DENND3: variants seen among roughly 807,000 people sequenced by gnomAD.
The protein encoded by DENND3 is DENN domain containing 3.
A neutral mutation model predicts 135.1 loss-of-function variants in DENND3; 88 were observed. The ratio of observed to expected loss-of-function variants is 0.65; its 90% CI spans 0.55 to 0.78. DENND3 has a LOEUF of 0.78. Ranked by LOEUF, DENND3 falls within the 30% of genes least tolerant of loss-of-function variation. DENND3 has a pLI of 0.00. For missense variants in DENND3, 1,392 were observed against 1,688.4 expected (o/e 0.82, Z 3.08); for synonymous variants, 693 against 712.3 (o/e 0.97, Z 0.43).
At chr8:141,165,739 C>A (rs376223301) in intron 11 of DENND3, among the ~76,000 whole-genome samples, 1 of 152,216 alleles carries the variant, frequency 6.6e-6, no homozygotes, top group East Asian at 1.9e-4. Flanking sequence ...GCTGGGATTA[C>A]AGGCATGAGC....
chr8:141,140,722 T>C (rs537963016), intron 3 of DENND3, among the ~76,000 whole-genome samples: 3 of 152,332 alleles, frequency 2.0e-5, no homozygotes, highest in African/African-American at 4.8e-5. Context: ...ACTTCCCCAG[T>C]TGGTGAGCCC....
rs535525637 is a variant in DENND3, at chr8:141,154,751, C to T, written c.1075-1098C>T. On this transcript the variant is annotated intron_variant, in intron 7 of 22. Transcript: ENST00000519811. This position sits in a 1 kb window ranked among gnomAD's most constrained non-coding sequence, Gnocchi z 4.4. The stretch of plus-strand genomic sequence containing the variant: ...GTAATTTTTGTATTTTTAGTAGAGA[C>T]GAGGTTTCACCATGTTGGCCAGGCT... Among the ~76,000 whole-genome samples, 238 of 152,076 alleles carry T rather than the reference C, an allele frequency of 1.6e-3. 1 individual carries two copies. Among genetic ancestry groups the T allele is most frequent in the African/African-American group, 4.2e-3 (175 of 41,482 alleles).
Position 141,128,650 on chromosome 8 carries a change from G to C in DENND3, c.-58G>C, listed in dbSNP as rs893649861. The C allele has an allele frequency of 6.0e-6, 7 of 1,164,390 alleles. No homozygotes were observed. Among genetic ancestry groups the C allele is most frequent in the Non-Finnish European group, 6.6e-6 (6 of 912,922 alleles). 72.1% of individuals were successfully genotyped at this position (1,164,390 alleles called of 1,614,324 possible). A position where few individuals can be genotyped will look rare whatever the true frequency, so the allele number is the denominator to read the frequency against. On this transcript the variant is annotated 5_prime_UTR_variant, in exon 1 of 23. Coordinates refer to ENST00000519811, the MANE Select transcript of DENND3 (RefSeq NM_001352890.3). This position sits in a 1 kb window ranked among gnomAD's most constrained non-coding sequence, Gnocchi z 4.5. ...GCGCGGCTGGTCCCCAGGGGTCTGC[G>C]GGCGACTGCGCGGCTGAGGCGCCCG... is the stretch of plus-strand genomic sequence containing the variant.
rs771995500 is a variant in DENND3, at chr8:141,137,944, CTG to C, written c.386-75_386-74del. 336 of 1,450,944 alleles carry C rather than the reference CTG, an allele frequency of 2.3e-4. No individual in the cohort carries two copies. The highest frequency in any genetic ancestry group is 3.0e-4 in the Non-Finnish European group (315 of 1,060,824). The allele number at this position is 1,450,944 out of a possible 1,614,324, so 89.9% of individuals were successfully genotyped here. A position where few individuals can be genotyped will look rare whatever the true frequency, so the allele number is the denominator to read the frequency against. On this transcript the variant is annotated intron_variant, in intron 2 of 22. Transcript: ENST00000519811. The surrounding 1 kb of genome is among the most constrained non-coding windows in gnomAD (Gnocchi z 4.1). ...TAACTGTGGAGGTGTGTCCTAAACA[CTG>C]TGAAGAAATCAGCTCGTGGGTAACC...
Position 141,141,770 on chromosome 8 carries a change from T to C in DENND3, c.623+446T>C. On this transcript the variant is annotated intron_variant, in intron 4 of 22. Coordinates refer to ENST00000519811, the MANE Select transcript of DENND3 (RefSeq NM_001352890.3). The surrounding 1 kb of genome is among the most constrained non-coding windows in gnomAD (Gnocchi z 5.3). ...TTTTAAAGATGACCTTGGCTGGGTG[T>C]GGTGGCTCACACCTGTAATCCCAGC... 1 of 208,736 alleles carries C rather than the reference T, an allele frequency of 4.8e-6. No individual in the cohort carries two copies. 12.9% of individuals were successfully genotyped at this position (208,736 alleles called of 1,614,324 possible). A position where few individuals can be genotyped will look rare whatever the true frequency, so the allele number is the denominator to read the frequency against.
intron 9 of DENND3, among the ~76,000 whole-genome samples, chr8:141,162,987 A>C (rs2154613097): frequency 6.6e-6 from 1 of 152,358 alleles, no homozygotes; most frequent in East Asian, 1.9e-4. Flanking sequence ...GCTGGTCAGC[A>C]CTTGGAGAGT....
intron 9 of DENND3, among the ~76,000 whole-genome samples, chr8:141,161,240 C>T (rs1157550651): frequency 1.3e-5 from 2 of 152,210 alleles, no homozygotes; most frequent in Non-Finnish European, 2.9e-5. Flanking sequence ...AGGCCTGCAT[C>T]CAGGGGCTAG....
intron 7 of DENND3, among the ~76,000 whole-genome samples, chr8:141,155,403 A>T (rs1819316793): frequency 6.6e-6 from 1 of 151,598 alleles, no homozygotes; most frequent in African/African-American, 2.4e-5. Flanking sequence ...ATTTTATTTT[A>T]TTATTATTAT....
rs879014471 is a variant in DENND3, at chr8:141,190,173, G to C, written c.3246-111G>C. On this transcript the variant is annotated intron_variant, in intron 19 of 22. Transcript: ENST00000519811. ...TTATTATCATGTTTGCAGGTTATCC[G>C]TGTTGAGCACATTTTCTCTCATGGC... 2.2e-6 allele frequency: 3 copies of C among 1,377,932 alleles called. No homozygotes were observed. In the African/African-American group the frequency reaches 4.4e-5, roughly 20 times the overall value. The allele number at this position is 1,377,932 out of a possible 1,614,324, so 85.4% of individuals were successfully genotyped here. A position where few individuals can be genotyped will look rare whatever the true frequency, so the allele number is the denominator to read the frequency against.
chr8:141,158,059 C>T (rs758333506), intron 8 of DENND3: 99 of 1,201,940 alleles, frequency 8.2e-5, no homozygotes, highest in Admixed American at 6.3e-5. Context: ...CGCGCCCAGT[C>T]GGAGAACTAC....
In DENND3 at chr8:141,194,110, C is replaced by G; in HGVS notation, c.3714C>G (p.Thr1238=). 1 of 1,613,904 alleles carries G rather than the reference C, an allele frequency of 6.2e-7. No homozygotes were observed. The highest frequency in any genetic ancestry group is 8.5e-7 in the Non-Finnish European group (1 of 1,180,004). Residue 1238 remains threonine (T), a synonymous_variant, in exon 23 of 23, where the codon ACC becomes ACG. Transcript: ENST00000519811. ...ACGTGATTGACGCCGAGAGGAAGAC[C>G]GTGGAGAAGGAGCTGGTGGCGCACA... ...KIYVIDAERK[T]VEKELVAHMD...
chr8:141,191,572 G>T lies in DENND3; in HGVS notation c.3380-759G>T, dbSNP rs552781706. On this transcript the variant is annotated intron_variant, in intron 20 of 22. Transcript: ENST00000519811. ...TCCTCACCCAAACTGGTTCTCACCT[G>T]TTTTTACTGACACCGTCCCCGCGGG... is the stretch of plus-strand genomic sequence containing the variant. 4.6e-5 allele frequency: 7 copies of T among 152,388 alleles called. No homozygotes were observed. The South Asian group carries it at 1.4e-3, about 32-fold the overall frequency. The allele number at this position is 152,388 out of a possible 1,614,324, so 9.4% of individuals were successfully genotyped here. A position where few individuals can be genotyped will look rare whatever the true frequency, so the allele number is the denominator to read the frequency against.
rs767747890 is a variant in DENND3 at position 141,168,272 on chromosome 8, T to C, written c.2022T>C (p.Asp674=). The C allele has an allele frequency of 3.4e-5, 55 of 1,614,016 alleles. No individual in the cohort carries two copies. In the Middle Eastern group the frequency reaches 6.3e-3, roughly 184 times the overall value. ...YKTDIRIFPT[D]LVKRTVESMS... is the part of the protein sequence containing the mutation. Reference sequence around the variant, plus strand: ...CAGACATACGGATCTTTCCCACTGATTTGGTGAAGAGGACGGTGGAATCCA... The same window carrying C: ...CAGACATACGGATCTTTCCCACTGACTTGGTGAAGAGGACGGTGGAATCCA... The change falls in exon 13 of 23, where the codon GAT becomes GAC. Residue 674 remains aspartate (D), a synonymous_variant. Coordinates refer to ENST00000519811, the MANE Select transcript of DENND3 (RefSeq NM_001352890.3). This position sits in a 1 kb window ranked among gnomAD's most constrained non-coding sequence, Gnocchi z 6.2.
In DENND3 at chr8:141,187,482, C is replaced by A. The variant is rs192145603; in HGVS notation, c.3085-1504C>A. On this transcript the variant is annotated intron_variant, in intron 18 of 22. Transcript: ENST00000519811. The stretch of plus-strand genomic sequence containing the variant: ...TCAAGCAGTCCTCCCGCCTCGGCCC[C>A]GCCAAAGTGCTGGGATTACAGGTGT... 1.6e-3 allele frequency among the ~76,000 whole-genome samples: 243 copies of A among 152,232 alleles called. No individual in the cohort carries two copies. In the South Asian group the frequency reaches 0.028, roughly 18 times the overall value.
rs1043012351 is a variant in DENND3 at position 141,130,584 on chromosome 8, C to A, written c.102+1775C>A. Reference sequence around the variant, plus strand: ...ATGGATTCCATTTCTTGGAGCCATCCTACTTTTAAGGTCAATATTAATGTT... The same window carrying A: ...ATGGATTCCATTTCTTGGAGCCATCATACTTTTAAGGTCAATATTAATGTT... On this transcript the variant is annotated intron_variant, in intron 1 of 22. Coordinates refer to ENST00000519811, the MANE Select transcript of DENND3 (RefSeq NM_001352890.3). This position sits in a 1 kb window ranked among gnomAD's most constrained non-coding sequence, Gnocchi z 4.2. Among the ~76,000 whole-genome samples, 1 of 151,952 alleles carries A rather than the reference C, an allele frequency of 6.6e-6. No homozygotes were observed. The highest frequency in any genetic ancestry group is 2.4e-5 in the African/African-American group (1 of 41,336).
chr8:141,193,953 T>C, intron 22 of DENND3, 80 bp from the exon 23 acceptor site: 1 of 1,487,820 alleles, frequency 6.7e-7, no homozygotes, highest in Non-Finnish European at 9.2e-7. Flanking sequence ...CACGCGTCAA[T>C]TCTGGGTAGC....
intron 8 of DENND3, chr8:141,158,015 C>T (rs1433680789): frequency 1.7e-6 from 2 of 1,143,872 alleles, no homozygotes; most frequent in Non-Finnish European, 2.2e-6. Context: ...CTGCCTGGGC[C>T]TCCCAGAGTG....
chr8:141,184,933 C>A, intron 17 of DENND3: 1 of 553,192 alleles, frequency 1.8e-6, no homozygotes, highest in Non-Finnish European at 3.1e-6. Context: ...GTCTTTGTGG[C>A]CCTCTCACCA....
chr8:141,162,226 G>A (rs1444028928), intron 9 of DENND3, among the ~76,000 whole-genome samples: 1 of 152,186 alleles, frequency 6.6e-6, no homozygotes, highest in Non-Finnish European at 1.5e-5. Context: ...AATTAGTGGG[G>A]TCCTAAATAT....
Sources: gnomAD v4.1 joint callset for allele counts (sites outside exome capture counted in the v4.1 genomes callset) on GRCh38, gnomAD v4.1.1 for gene constraint, Gnocchi (gnomAD v3.1) non-coding constraint, MANE v1.5 for transcripts, NCBI Gene and HGNC (gene_info 2026-07-23, HGNC 2026-07-21) for gene names.